The following MRPL3 variants were observed in gnomAD, a reference collection of about 807,000 sequenced individuals.
MRPL3 encodes the protein mitochondrial ribosomal protein L3, also known as large ribosomal subunit protein uL3m.
MRPL3 carries 43 observed loss-of-function variants against 44.3 expected under a neutral mutation model. The observed-to-expected ratio is 0.97, with a 90% CI of 0.76 to 1.25. MRPL3 has a LOEUF of 1.25. Among genes scored for constraint, MRPL3 ranks in the 50% most tolerant of loss-of-function variants. The pLI, the probability that MRPL3 is intolerant of heterozygous loss-of-function variation, is 0.00. For synonymous variants in MRPL3, 171 were observed against 152.3 expected, an observed-to-expected ratio of 1.12 and a Z score of -0.91; for missense variants, 406 against 427.6, an observed-to-expected ratio of 0.95 and a Z score of 0.45.
chr3:131,500,620 C>G (rs1012808062), intron 2 of MRPL3, 99 bp from the exon 3 acceptor site: 1 of 898,174 alleles, frequency 1.1e-6, no homozygotes, highest in African/African-American at 1.6e-5. Flanking sequence ...GTATGAGGAG[C>G]AGGCACGTAA....
intron 3 of MRPL3, among the ~76,000 whole-genome samples, chr3:131,499,370 G>C (rs1431386515): frequency 6.6e-6 from 1 of 152,188 alleles, no homozygotes; most frequent in Admixed American, 6.5e-5. Context: ...GTAATACTTG[G>C]AAGTGGAATT....
intron 4 of MRPL3, among the ~76,000 whole-genome samples, chr3:131,495,619 A>G (rs1934350288): frequency 6.6e-6 from 1 of 152,158 alleles, no homozygotes; most frequent in Admixed American, 6.5e-5. Context: ...GAATAAGCTA[A>G]AGAGAAAAAA....
At chr3:131,462,937 T>A in intron 9 of MRPL3, 62 bp from the exon 10 acceptor site, 1 of 1,390,974 alleles carries the variant, frequency 7.2e-7, no homozygotes, top group Non-Finnish European at 9.9e-7. Context: ...ACTTTTCAGC[T>A]ATTATTCATA....
At chr3:131,497,868 C>T (rs1222458900) in intron 4 of MRPL3, 1 of 252,630 alleles carries the variant, frequency 4.0e-6, no homozygotes, top group African/African-American at 2.3e-5. Flanking sequence ...ATCTGAAAAA[C>T]CTAATTTAAT....
intron 7 of MRPL3, among the ~76,000 whole-genome samples, 179 bp from the exon 8 acceptor site, chr3:131,469,952 C>T (rs1933705266): frequency 6.6e-6 from 1 of 152,100 alleles, no homozygotes; most frequent in South Asian, 2.1e-4. Context: ...TAGAGGATTT[C>T]CTTTCTAATG....
chr3:131,472,844 G>A (rs141238125), intron 6 of MRPL3, among the ~76,000 whole-genome samples: 53 of 151,832 alleles, frequency 3.5e-4, no homozygotes, highest in Non-Finnish European at 6.9e-4. Context: ...TAAATACCCA[G>A]GAATAAACTT....
intron 3 of MRPL3, among the ~76,000 whole-genome samples, chr3:131,499,680 A>C (rs1934450807): frequency 6.6e-6 from 1 of 152,088 alleles, no homozygotes; most frequent in East Asian, 1.9e-4. Context: ...AGATCAACTG[A>C]GTTGTTCAAA....
intron 8 of MRPL3, 93 bp downstream of exon 8, chr3:131,469,603 A>G: frequency 1.2e-6 from 1 of 848,066 alleles, no homozygotes; most frequent in South Asian, 1.7e-5. Context: ...GCCTCTTAGA[A>G]CAATGGTACA....
At chr3:131,471,373 TAG>T (rs1933740392) in intron 6 of MRPL3, 94 bp from the exon 7 acceptor site, 2 of 835,726 alleles carry the variant, frequency 2.4e-6, no homozygotes, top group East Asian at 2.5e-5. Flanking sequence ...ACATTCTTGT[TAG>T]AGTTTTAACA....
At chr3:131,464,663 CTTA>C (rs1364607631) in intron 9 of MRPL3, among the ~76,000 whole-genome samples, 1 of 152,188 alleles carries the variant, frequency 6.6e-6, no homozygotes, top group Non-Finnish European at 1.5e-5. Context: ...TACATTTATA[CTTA>C]TTATGCTGTA....
chr3:131,466,610 CT>C (rs1052692053), intron 9 of MRPL3, among the ~76,000 whole-genome samples: 35 of 141,972 alleles, frequency 2.5e-4, no homozygotes, highest in African/African-American at 8.0e-4. Context: ...CCTTTAACCA[CT>C]TTTGATGATT....
chr3:131,474,343 T>C (rs1467215792), intron 6 of MRPL3, among the ~76,000 whole-genome samples: 1 of 152,074 alleles, frequency 6.6e-6, no homozygotes, highest in Non-Finnish European at 1.5e-5. Flanking sequence ...CTAAAAAATG[T>C]TGCTATCATA....
At chr3:131,463,230 T>C (rs1296802243) in intron 9 of MRPL3, among the ~76,000 whole-genome samples, 1 of 152,140 alleles carries the variant, frequency 6.6e-6, no homozygotes, top group African/African-American at 2.4e-5. Flanking sequence ...CCTGACAAAC[T>C]AGCATTTTTG....
In MRPL3 at chr3:131,487,972, A is replaced by T. The variant is rs578158973; in HGVS notation, c.569-232T>A. Among the ~76,000 whole-genome samples, 201 of 152,312 alleles carry T rather than the reference A, an allele frequency of 1.3e-3. 1 individual carries two copies. Among genetic ancestry groups the T allele is most frequent in the African/African-American group, 4.5e-3 (186 of 41,564 alleles). On this transcript the variant is annotated intron_variant, in intron 5 of 9. Coordinates refer to ENST00000264995, the MANE Select transcript of MRPL3 (RefSeq NM_007208.4). ...TGAAATGAGTGATTCCCATGACAAC[A>T]CAGTGTTCTTGCTGTCAAACATATA...
chr3:131,502,436 G>A lies in MRPL3; in HGVS notation c.92+294C>T, dbSNP rs75310313. The stretch of plus-strand genomic sequence containing the variant: ...AGTTTGCTCCCGTGAGGCTACATAA[G>A]GCACCTAATACACTTAGCAGAGCGC... On this transcript the variant is annotated intron_variant, in intron 1 of 9. Transcript: ENST00000264995. 0.012 allele frequency among the ~76,000 whole-genome samples: 1,854 copies of A among 152,316 alleles called. 44 individuals are homozygous for A. The highest frequency in any genetic ancestry group is 0.041 in the African/African-American group (1,715 of 41,566).
intron 4 of MRPL3, among the ~76,000 whole-genome samples, chr3:131,490,435 G>T (rs895537060): frequency 1.3e-5 from 2 of 152,138 alleles, no homozygotes; most frequent in African/African-American, 4.8e-5. Flanking sequence ...AATCAACTCT[G>T]CCTATTCTGC....
intron 6 of MRPL3, among the ~76,000 whole-genome samples, chr3:131,482,244 T>C (rs1182836027): frequency 6.6e-6 from 1 of 151,968 alleles, no homozygotes; most frequent in Non-Finnish European, 1.5e-5. Flanking sequence ...TGGCCAGGCA[T>C]GGTGGCTCAT....
chr3:131,486,043 T>C (rs1432739942), intron 6 of MRPL3, among the ~76,000 whole-genome samples: 3 of 152,148 alleles, frequency 2.0e-5, no homozygotes, highest in Non-Finnish European at 4.4e-5. Context: ...AACAAACATC[T>C]GATCTTTGAC....
At chr3:131,463,056 A>T (rs1933526490) in intron 9 of MRPL3, among the ~76,000 whole-genome samples, 181 bp from the exon 10 acceptor site, 1 of 152,212 alleles carries the variant, frequency 6.6e-6, no homozygotes, top group Non-Finnish European at 1.5e-5. Context: ...AAAAAATTTG[A>T]CTAATCCAGT....
Sources: allele counts gnomAD v4.1 joint callset (sites outside exome capture counted in the v4.1 genomes callset), GRCh38; gene constraint gnomAD v4.1.1; transcripts MANE v1.5; gene names NCBI Gene and HGNC (gene_info 2026-07-23, HGNC 2026-07-21).